Variants in BMPR1B observed in about 807,000 individuals in gnomAD.
BMPR1B encodes bone morphogenetic protein receptor type-1B.
In BMPR1B, 12 loss-of-function variants were observed where a neutral mutation model predicts 59.1. The observed-to-expected ratio is 0.20, with a 90% CI of 0.13 to 0.33. The LOEUF (loss-of-function observed/expected upper bound fraction) is 0.33. BMPR1B is among the 10% of genes least tolerant of loss of function. The pLI is 1.00. For missense variants in BMPR1B, 550 were observed against 610.9 expected, an observed-to-expected ratio of 0.90 and a Z score of 1.05; for synonymous variants, 237 against 207.3, an observed-to-expected ratio of 1.14 and a Z score of -1.23.
intron 4 of BMPR1B, among the ~76,000 whole-genome samples, chr4:95,112,827 T>G (rs1369087): frequency 0.88 from 133,836 of 151,984 alleles, 59,345 homozygotes; most frequent in Middle Eastern, 0.95. Flanking sequence ...CTTTTTCTGT[T>G]CCATTTCTTT....
chr4:94,846,134 A>G (rs1383931911), intron 1 of BMPR1B, among the ~76,000 whole-genome samples: 1 of 152,210 alleles, frequency 6.6e-6, no homozygotes, highest in African/African-American at 2.4e-5. Context: ...AGTCAAACAG[A>G]ATAGAGAACC....
chr4:94,791,600 A>G (rs1722990352), intron 1 of BMPR1B, among the ~76,000 whole-genome samples: 1 of 152,204 alleles, frequency 6.6e-6, no homozygotes, highest in Non-Finnish European at 1.5e-5. Flanking sequence ...TACTTAAAAT[A>G]TGGATTGATA....
intron 3 of BMPR1B, among the ~76,000 whole-genome samples, chr4:95,071,652 GTATATATATA>G (rs58148216): frequency 1.1e-4 from 9 of 84,342 alleles, no homozygotes; most frequent in East Asian, 3.4e-4. Context: ...GTGTGTGTGT[GTATATATATA>G]TATATATATA....
At chr4:94,835,934 A>C (rs1409926486) in intron 1 of BMPR1B, among the ~76,000 whole-genome samples, 1 of 111,476 alleles carries the variant, frequency 9.0e-6, no homozygotes, top group Admixed American at 1.2e-4. Flanking sequence ...AACAGTCCCC[A>C]GAGTGTGATG....
Position 95,157,365 on chromosome 4 carries a change from T to C in BMPR1B, c.*2692T>C, listed in dbSNP as rs1436019394. 1 of 152,124 alleles carries C rather than the reference T, an allele frequency of 6.6e-6. No homozygotes were observed. The highest frequency in any genetic ancestry group is 1.5e-5 in the Non-Finnish European group (1 of 67,974). 9.4% of individuals were successfully genotyped at this position (152,124 alleles called of 1,614,324 possible). ...ACACTAAATTGTTCTTAAAGACTAC[T>C]CATTTCCCAATAATCCTTTATGATT... On this transcript the variant is annotated 3_prime_UTR_variant, in exon 13 of 13. Coordinates refer to ENST00000515059, the MANE Select transcript of BMPR1B (RefSeq NM_001203.3).
At chr4:95,098,503 A>G (rs1730588679) in intron 3 of BMPR1B, among the ~76,000 whole-genome samples, 1 of 152,080 alleles carries the variant, frequency 6.6e-6, no homozygotes, top group Non-Finnish European at 1.5e-5. Context: ...CTTTTCTCAA[A>G]TGTGGAGTAC....
chr4:94,778,040 G>A (rs1578631978), intron 1 of BMPR1B, among the ~76,000 whole-genome samples: 1 of 151,758 alleles, frequency 6.6e-6, no homozygotes, highest in African/African-American at 2.4e-5. Flanking sequence ...AAAAAAAAGT[G>A]TATATATATG....
At chr4:95,056,220 T>A in intron 3 of BMPR1B, among the ~76,000 whole-genome samples, 1 of 152,296 alleles carries the variant, frequency 6.6e-6, no homozygotes. Context: ...AAATAGAGAC[T>A]TTGTCTATAT....
At chr4:94,839,596 T>A (rs1451052769) in intron 1 of BMPR1B, among the ~76,000 whole-genome samples, 2 of 149,640 alleles carry the variant, frequency 1.3e-5, no homozygotes, top group African/African-American at 4.9e-5. Context: ...TGCCTTTTTT[T>A]GTTTTCTATT....
At chr4:94,828,879 G>T (rs958289775) in intron 1 of BMPR1B, among the ~76,000 whole-genome samples, 1 of 151,906 alleles carries the variant, frequency 6.6e-6, no homozygotes, top group Admixed American at 6.6e-5. Flanking sequence ...AAAATAAAGA[G>T]CTAATCATTT....
rs1009418350 is a variant in BMPR1B at position 95,055,284 on chromosome 4, A to AT, written c.-17-49115dup. ...TTAAAATTCAAAAAATAGGTTATAC[A>AT]TTTTTTTTTAGTATAATCAGGGCAA... On this transcript the variant is annotated intron_variant, in intron 3 of 12. Transcript: ENST00000515059. 1.9e-4 allele frequency among the ~76,000 whole-genome samples: 29 copies of AT among 151,502 alleles called. 1 individual carries two copies. The East Asian group carries it at 3.3e-3, about 17-fold the overall frequency.
chr4:94,925,194 GATT>G (rs1728839430), intron 2 of BMPR1B, among the ~76,000 whole-genome samples: 1 of 151,912 alleles, frequency 6.6e-6, no homozygotes, highest in East Asian at 1.9e-4. Context: ...TAAGAATATG[GATT>G]CCTCCCATAC....
chr4:95,154,727 T>A lies in BMPR1B; in HGVS notation c.*54T>A, dbSNP rs892250594. Reference sequence around the variant, plus strand: ...GAAAGCCAACAGGTACTCTTCTGTTTGTGGGCAGAGCAAAAGACATCAAAT... The same window carrying A: ...GAAAGCCAACAGGTACTCTTCTGTTAGTGGGCAGAGCAAAAGACATCAAAT... On this transcript the variant is annotated 3_prime_UTR_variant, in exon 13 of 13. Coordinates refer to ENST00000515059, the MANE Select transcript of BMPR1B (RefSeq NM_001203.3). 1 of 1,606,712 alleles carries A rather than the reference T, an allele frequency of 6.2e-7. No homozygotes were observed. Among genetic ancestry groups the A allele is most frequent in the East Asian group, 2.2e-5 (1 of 44,772 alleles).
intron 3 of BMPR1B, among the ~76,000 whole-genome samples, chr4:95,007,290 A>G (rs1042124343): frequency 3.3e-5 from 5 of 152,172 alleles, no homozygotes; most frequent in Admixed American, 3.3e-4. Flanking sequence ...GATGGCATGA[A>G]TTTTTAGAAC....
chr4:94,958,162 T>A (rs1375998783), intron 2 of BMPR1B, among the ~76,000 whole-genome samples: 4 of 152,202 alleles, frequency 2.6e-5, no homozygotes, highest in African/African-American at 7.2e-5. Flanking sequence ...TAAAGCAGAC[T>A]TAAGCTCTAG....
intron 2 of BMPR1B, among the ~76,000 whole-genome samples, chr4:94,994,433 G>C (rs1323422803): frequency 1.3e-5 from 2 of 152,078 alleles, no homozygotes; most frequent in African/African-American, 4.8e-5. Flanking sequence ...ATTACCTCTT[G>C]GCTCAGATGC....
intron 4 of BMPR1B, among the ~76,000 whole-genome samples, chr4:95,110,456 T>C (rs1208978331): frequency 6.6e-6 from 1 of 152,116 alleles, no homozygotes; most frequent in African/African-American, 2.4e-5. Context: ...TCGTCGTTAA[T>C]GTTGTAACTT....
At position 95,071,652 on chromosome 4, in the gene BMPR1B, G is replaced by GTATATATA. The variant is rs58148216; in HGVS notation, c.-17-32734_-17-32727dup. ...TGTGTTTGTGTGTGTGTGTGTGTGT[G>GTATATATA]TATATATATATATATATATATATAT... is the stretch of plus-strand genomic sequence containing the variant. On this transcript the variant is annotated intron_variant, in intron 3 of 12. Transcript: ENST00000515059. Among the ~76,000 whole-genome samples the GTATATATA allele has an allele frequency of 6.3e-3, 531 of 84,284 alleles. 1 individual carries two copies. The highest frequency in any genetic ancestry group is 0.017 in the East Asian group (51 of 2,960). 55.3% of individuals were successfully genotyped at this position (84,284 alleles called of 152,430 possible).
Position 95,128,541 on chromosome 4 carries a change from A to G in BMPR1B, c.586-1321A>G, listed in dbSNP as rs113043164. On this transcript the variant is annotated intron_variant, in intron 8 of 12. Coordinates refer to ENST00000515059, the MANE Select transcript of BMPR1B (RefSeq NM_001203.3). ...AGATCATATATAAAGAGACATTTAA[A>G]TTTAATGCCACTTAACTCATATTTT... 5.3e-3 allele frequency among the ~76,000 whole-genome samples: 806 copies of G among 152,296 alleles called. 6 individuals are homozygous for G. The highest frequency in any genetic ancestry group is 0.018 in the African/African-American group (749 of 41,580).
Sources: allele counts gnomAD v4.1 joint callset (sites outside exome capture counted in the v4.1 genomes callset), GRCh38; gene constraint gnomAD v4.1.1; transcripts MANE v1.5; gene names NCBI Gene and HGNC (gene_info 2026-07-23, HGNC 2026-07-21).